MARCHF1: variants seen among roughly 807,000 people sequenced by gnomAD.
MARCHF1 encodes the protein E3 ubiquitin-protein ligase MARCHF1.
A neutral mutation model predicts 54.2 loss-of-function variants in MARCHF1; 40 were observed. That is an observed-to-expected ratio of 0.74 (90% CI 0.57 to 0.96). The LOEUF (loss-of-function observed/expected upper bound fraction) is 0.96. Ranked by LOEUF, MARCHF1 falls within the 40% of genes least tolerant of loss-of-function variation. The probability of loss-of-function intolerance (pLI) is 0.00; values close to 1 mark genes in which losing one functional copy is unlikely to be tolerated. For synonymous variants in MARCHF1, 236 were observed against 236.3 expected (o/e 1.00, Z 0.01); for missense variants, 586 against 656.5 (o/e 0.89, Z 1.17).
chr4:163,612,190 G>T, intron 7 of MARCHF1, 81 bp downstream of exon 7: 4 of 1,155,906 alleles, frequency 3.5e-6, no homozygotes, highest in Non-Finnish European at 4.6e-6. Context: ...AGTTTTGAGG[G>T]TAGGTGTCAA....
chr4:163,548,902 G>T (rs2110930538), intron 8 of MARCHF1, among the ~76,000 whole-genome samples: 1 of 152,318 alleles, frequency 6.6e-6, no homozygotes, highest in African/African-American at 2.4e-5. Context: ...TATTCATGAT[G>T]CTGAAATTCA....
At chr4:164,332,294 C>G (rs1729563543) in intron 1 of MARCHF1, among the ~76,000 whole-genome samples, 1 of 152,126 alleles carries the variant, frequency 6.6e-6, no homozygotes, top group Admixed American at 6.5e-5. Flanking sequence ...CTGCCAGAGC[C>G]TGTTATTAAA....
intron 3 of MARCHF1, among the ~76,000 whole-genome samples, chr4:163,978,318 T>C (rs1179092919): frequency 6.6e-6 from 1 of 152,184 alleles, no homozygotes; most frequent in Admixed American, 6.6e-5. Flanking sequence ...AAGGTATTAA[T>C]TAATGAGCCA....
chr4:163,730,196 G>A (rs181943255), intron 4 of MARCHF1, among the ~76,000 whole-genome samples: 7 of 151,858 alleles, frequency 4.6e-5, no homozygotes, highest in Middle Eastern at 6.8e-3. Flanking sequence ...TAATTTTTTC[G>A]TTTTAGTTAT....
intron 4 of MARCHF1, 30 bp from the exon 5 acceptor site, chr4:163,700,893 A>G: frequency 6.7e-7 from 1 of 1,492,154 alleles, no homozygotes; most frequent in Non-Finnish European, 9.0e-7. Flanking sequence ...ACATTAATTA[A>G]AAGAAGGTAT....
At chr4:164,040,065 T>A (rs1180981099) in intron 2 of MARCHF1, among the ~76,000 whole-genome samples, 1 of 146,458 alleles carries the variant, frequency 6.8e-6, no homozygotes, top group African/African-American at 2.5e-5. Flanking sequence ...ACAAATTATA[T>A]ATTAGTATAT....
intron 3 of MARCHF1, among the ~76,000 whole-genome samples, chr4:163,947,784 G>A (rs1426147786): frequency 6.6e-6 from 1 of 152,170 alleles, no homozygotes; most frequent in East Asian, 1.9e-4. Flanking sequence ...ATCTGCCTTT[G>A]AGGTAACGTA....
chr4:163,884,512 T>C lies in MARCHF1; in HGVS notation c.-38-30343A>G, dbSNP rs1368630862. On this transcript the variant is annotated intron_variant, in intron 3 of 9. Transcript: ENST00000514618. ...GGAAACAAAGGTAAAACAAGAACTCTGTCACTGGCTTCTCCTTCCCCTTGT... is the reference window on the plus strand; with the variant it reads ...GGAAACAAAGGTAAAACAAGAACTCCGTCACTGGCTTCTCCTTCCCCTTGT... Among the ~76,000 whole-genome samples, 5 of 152,284 alleles carry C rather than the reference T, an allele frequency of 3.3e-5. No individual in the cohort carries two copies. The East Asian group carries it at 7.7e-4, about 24-fold the overall frequency.
chr4:164,319,153 A>G (rs1483363732), intron 1 of MARCHF1, among the ~76,000 whole-genome samples: 1 of 152,160 alleles, frequency 6.6e-6, no homozygotes, highest in Non-Finnish European at 1.5e-5. Flanking sequence ...TGTATTGAAC[A>G]TGTACGGACA....
At chr4:163,841,235 A>T (rs1386093472) in intron 4 of MARCHF1, among the ~76,000 whole-genome samples, 1 of 152,090 alleles carries the variant, frequency 6.6e-6, no homozygotes, top group Admixed American at 6.6e-5. Flanking sequence ...CACAGAATGT[A>T]CAAAACTAAG....
At chr4:163,542,072 G>C (rs111240230) in intron 9 of MARCHF1, among the ~76,000 whole-genome samples, 16 of 152,300 alleles carry the variant, frequency 1.1e-4, no homozygotes, top group African/African-American at 3.6e-4. Flanking sequence ...CTTGCTTTCT[G>C]TTTTGCTTTG....
intron 1 of MARCHF1, among the ~76,000 whole-genome samples, chr4:164,259,313 C>T (rs1221156508): frequency 4.0e-5 from 6 of 151,792 alleles, no homozygotes; most frequent in Non-Finnish European, 8.8e-5. Context: ...GAGGCCGAGG[C>T]GGGTGGATCA....
At chr4:164,254,369 T>C (rs1436517232) in intron 1 of MARCHF1, among the ~76,000 whole-genome samples, 2 of 150,650 alleles carry the variant, frequency 1.3e-5, no homozygotes, top group East Asian at 3.9e-4. Flanking sequence ...CTCCCCTTTA[T>C]ATAAAGTTAA....
At chr4:164,116,762 A>C (rs1755947188) in intron 1 of MARCHF1, among the ~76,000 whole-genome samples, 1 of 152,082 alleles carries the variant, frequency 6.6e-6, no homozygotes, top group Admixed American at 6.5e-5. Context: ...ATACACAAGA[A>C]ACAAATGTGT....
chr4:163,643,400 C>T (rs1742635919), intron 5 of MARCHF1, among the ~76,000 whole-genome samples: 1 of 147,944 alleles, frequency 6.8e-6, no homozygotes, highest in Admixed American at 6.8e-5. Context: ...GTCTCAAATT[C>T]CTGGCTTCAG....
At chr4:164,312,496 G>A (rs1298573562) in intron 1 of MARCHF1, among the ~76,000 whole-genome samples, 1 of 151,308 alleles carries the variant, frequency 6.6e-6, no homozygotes, top group Non-Finnish European at 1.5e-5. Context: ...CTAATTTTTT[G>A]TATATTTAGT....
At chr4:164,026,101 CAACAACAAA>C (rs1753760855) in intron 2 of MARCHF1, among the ~76,000 whole-genome samples, 1 of 151,888 alleles carries the variant, frequency 6.6e-6, no homozygotes, top group African/African-American at 2.4e-5. Context: ...ATAACAACAA[CAACAACAAA>C]AAATTGCTGG....
chr4:163,631,337 C>T (rs1446063239), intron 5 of MARCHF1, among the ~76,000 whole-genome samples: 2 of 152,016 alleles, frequency 1.3e-5, no homozygotes, highest in Non-Finnish European at 2.9e-5. Flanking sequence ...GGATTACAGG[C>T]GCCTGCTGCC....
At chr4:163,973,562 G>A (rs1184315599) in intron 3 of MARCHF1, among the ~76,000 whole-genome samples, 3 of 152,168 alleles carry the variant, frequency 2.0e-5, no homozygotes, top group Admixed American at 2.0e-4. Flanking sequence ...GCCCGGAAAC[G>A]GCGTTGGAGG....
Sources: gnomAD v4.1 joint callset for allele counts (sites outside exome capture counted in the v4.1 genomes callset) on GRCh38, gnomAD v4.1.1 for gene constraint, MANE v1.5 for transcripts, NCBI Gene and HGNC (gene_info 2026-07-23, HGNC 2026-07-21) for gene names.